The following SSH2 variants were observed in gnomAD, a reference collection of about 807,000 sequenced individuals.
SSH2 encodes the protein protein phosphatase Slingshot homolog 2.
In SSH2, 37 loss-of-function variants were observed where a neutral mutation model predicts 135.2. The observed-to-expected ratio is 0.27, with a 90% confidence interval of 0.21 to 0.36. The LOEUF (loss-of-function observed/expected upper bound fraction) is 0.36. SSH2 is among the 10% of genes least tolerant of loss of function. The pLI is 1.00. For missense variants in SSH2, 1,408 were observed against 1,765.3 expected (o/e 0.80, Z 3.63); for synonymous variants, 628 against 646.2 (o/e 0.97, Z 0.43).
intron 1 of SSH2, among the ~76,000 whole-genome samples, chr17:29,894,773 CTAAA>C (rs1212248073): frequency 6.6e-6 from 1 of 151,934 alleles, no homozygotes; most frequent in Non-Finnish European, 1.5e-5. Flanking sequence ...ACCTAGATGC[CTAAA>C]TCTGGAACAC....
At chr17:29,909,854 G>A (rs1278853632) in intron 1 of SSH2, among the ~76,000 whole-genome samples, 4 of 152,188 alleles carry the variant, frequency 2.6e-5, no homozygotes, top group Non-Finnish European at 4.4e-5. Context: ...TAAGGTACAA[G>A]TACGACTTTA....
intron 2 of SSH2, among the ~76,000 whole-genome samples, chr17:29,795,837 G>A (rs1171684737): frequency 6.6e-6 from 1 of 152,206 alleles, no homozygotes; most frequent in East Asian, 1.9e-4. Context: ...CACCTCCCAG[G>A]ATAAAGCAAT....
intron 3 of SSH2, among the ~76,000 whole-genome samples, chr17:29,783,922 C>T (rs890647631): frequency 2.0e-5 from 3 of 149,118 alleles, no homozygotes; most frequent in Admixed American, 6.7e-5. Context: ...AAAAATTAGC[C>T]GGGCGTAGTG....
chr17:29,722,061 G>T (rs2039840594), intron 3 of SSH2, among the ~76,000 whole-genome samples: 1 of 152,054 alleles, frequency 6.6e-6, no homozygotes, highest in South Asian at 2.1e-4. Flanking sequence ...TGGATCACGA[G>T]GTCAGGAGTT....
At chr17:29,674,371 C>A (rs536259971) in intron 8 of SSH2, among the ~76,000 whole-genome samples, 21 of 152,274 alleles carry the variant, frequency 1.4e-4, no homozygotes, top group African/African-American at 5.1e-4. Flanking sequence ...TAAGAGCCAG[C>A]TTAGTGTAAC....
rs1367021913 is a variant in SSH2, at chr17:29,677,750, C to G, written c.480-9G>C. The G allele has an allele frequency of 1.9e-6, 3 of 1,612,134 alleles. No homozygotes were observed. The Admixed American group carries it at 5.0e-5, about 27-fold the overall frequency. On this transcript the variant is annotated splice_polypyrimidine_tract_variant and intron_variant, in intron 6 of 15. Coordinates refer to ENST00000540801, the MANE Select transcript of SSH2 (RefSeq NM_001282129.2). ...CCATGGTACAAGTGCTACTGCAAGA[C>G]AAGAAGTAGTCCAATAGTTACTCCC...
chr17:29,637,518 G>A (rs1598686229), intron 14 of SSH2, among the ~76,000 whole-genome samples: 1 of 152,084 alleles, frequency 6.6e-6, no homozygotes, highest in African/African-American at 2.4e-5. Flanking sequence ...GGTGGCTCAC[G>A]CCTGTAATCT....
At position 29,636,695 on chromosome 17, in the gene SSH2, G is replaced by T. The variant is rs1294353417; in HGVS notation, c.1535C>A (p.Thr512Asn). 4 of 1,614,152 alleles carry T rather than the reference G, an allele frequency of 2.5e-6. No homozygotes were observed. The highest frequency in any genetic ancestry group is 1.6e-4 in the Middle Eastern group (1 of 6,062). The change falls in exon 15 of 16, where the codon ACC becomes AAC. Residue 512 changes from threonine (T) to asparagine (N), a missense_variant. By Grantham distance (65) the Thr-to-Asn change is moderately conservative. Around this residue, in one of 3 missense-constraint regions of SSH2, gnomAD observed 1,080 missense variants for 1,144.5 expected, o/e 0.94. Transcript: ENST00000540801. The stretch of plus-strand genomic sequence containing the variant: ...CTCAGCAATCTGGTCTGCTGAGGTG[G>T]TGATATCCTTCTTGTTGAGTTCTAG... ...PGLELNKKDI[T>N]TSADQIAEVK...
chr17:29,780,798 C>T (rs1170619277), intron 3 of SSH2, among the ~76,000 whole-genome samples: 2 of 151,576 alleles, frequency 1.3e-5, no homozygotes, highest in Admixed American at 6.6e-5. Context: ...ACTTTTTTCC[C>T]CACTTTTCCT....
chr17:29,824,112 A>G (rs975850901), intron 2 of SSH2, among the ~76,000 whole-genome samples: 1 of 152,152 alleles, frequency 6.6e-6, no homozygotes. Flanking sequence ...TTCTTTCATG[A>G]CTGAGGAACC....
chr17:29,651,700 TG>T (rs1374592943), intron 12 of SSH2, among the ~76,000 whole-genome samples: 3 of 152,142 alleles, frequency 2.0e-5, no homozygotes, highest in Admixed American at 6.6e-5. Context: ...CTGAAATCAA[TG>T]AAATGAATAC....
chr17:29,635,497 T>C (rs568713334), intron 15 of SSH2, among the ~76,000 whole-genome samples: 88 of 152,178 alleles, frequency 5.8e-4, no homozygotes, highest in Admixed American at 1.1e-3. Flanking sequence ...CTCCGCCTCC[T>C]GGGTTCACAC....
At chr17:29,901,575 C>T (rs939580709) in intron 1 of SSH2, among the ~76,000 whole-genome samples, 6 of 152,156 alleles carry the variant, frequency 3.9e-5, no homozygotes, top group Non-Finnish European at 5.9e-5. Flanking sequence ...ATTTCACAGA[C>T]GTTCTTTGAC....
chr17:29,667,737 CTG>C (rs2151035129), intron 9 of SSH2, among the ~76,000 whole-genome samples: 1 of 152,276 alleles, frequency 6.6e-6, no homozygotes, highest in South Asian at 2.1e-4. Context: ...CACAATATCT[CTG>C]TGAAACACTT....
chr17:29,761,174 A>C, intron 3 of SSH2: 3 of 1,289,690 alleles, frequency 2.3e-6, no homozygotes, highest in Non-Finnish European at 3.0e-6. Flanking sequence ...GTTCTGCGAG[A>C]TGACCGCGTT....
intron 11 of SSH2, among the ~76,000 whole-genome samples, chr17:29,659,668 C>T (rs1384101485): frequency 2.6e-5 from 4 of 152,050 alleles, no homozygotes; most frequent in Admixed American, 6.6e-5. Flanking sequence ...GGACTACAGG[C>T]GCATGCCACC....
intron 9 of SSH2, among the ~76,000 whole-genome samples, chr17:29,669,452 C>T (rs1424822030): frequency 6.6e-6 from 1 of 152,170 alleles, no homozygotes; most frequent in Non-Finnish European, 1.5e-5. Flanking sequence ...CACACATTCT[C>T]CCTGTATTCT....
chr17:29,733,875 AT>A (rs2040279200), intron 3 of SSH2, among the ~76,000 whole-genome samples: 1 of 151,586 alleles, frequency 6.6e-6, no homozygotes, highest in African/African-American at 2.4e-5. Context: ...TCTAAGATAC[AT>A]AAGTTTCTCC....
At chr17:29,883,318 T>A (rs1302495524) in intron 1 of SSH2, among the ~76,000 whole-genome samples, 2 of 152,158 alleles carry the variant, frequency 1.3e-5, no homozygotes, top group Non-Finnish European at 2.9e-5. Context: ...AAATCCTATG[T>A]TAGGTGTCAT....
Sources: allele counts gnomAD v4.1 joint callset (sites outside exome capture counted in the v4.1 genomes callset), GRCh38; gene constraint gnomAD v4.1.1; regional missense constraint gnomAD v4.1.1; transcripts MANE v1.5; gene names NCBI Gene and HGNC (gene_info 2026-07-23, HGNC 2026-07-21).